Variants in YWHAB observed in about 807,000 individuals in gnomAD.
YWHAB encodes 14-3-3 protein beta/alpha.
A neutral mutation model predicts 28.5 loss-of-function variants in YWHAB; 2 were observed. That is an observed-to-expected ratio of 0.07 (90% CI 0.03 to 0.22). The LOEUF is 0.22. YWHAB is among the 10% of genes least tolerant of loss of function. YWHAB has a pLI of 1.00. For synonymous variants in YWHAB, 103 were observed against 104.7 expected (o/e 0.98, Z 0.10); for missense variants, 148 against 297.1 (o/e 0.50, Z 3.69).
rs948050073 is a variant in YWHAB at position 44,907,529 on chromosome 20, A to G, written c.*1091A>G. On this transcript the variant is annotated 3_prime_UTR_variant, in exon 6 of 6. Coordinates refer to ENST00000353703, the MANE Select transcript of YWHAB (RefSeq NM_139323.4). ...TTCACTTGAGGAGTACTCAGTTTTC[A>G]GGTTCTTCCTAGCTCGGGGCTTTTA... is the stretch of plus-strand genomic sequence containing the variant. The G allele has an allele frequency of 1.3e-5, 2 of 152,236 alleles. No homozygotes were observed. The highest frequency in any genetic ancestry group is 4.8e-5 in the African/African-American group (2 of 41,464). 9.4% of individuals were successfully genotyped at this position (152,236 alleles called of 1,614,324 possible).
intron 1 of YWHAB, chr20:44,887,481 G>T (rs1292819016): frequency 6.6e-6 from 1 of 152,148 alleles, no homozygotes; most frequent in Non-Finnish European, 1.5e-5. Context: ...AAATATTTAT[G>T]GATTGCCAGC....
chr20:44,897,544 T>A (rs1424360759), intron 1 of YWHAB, among the ~76,000 whole-genome samples: 2 of 152,228 alleles, frequency 1.3e-5, no homozygotes, highest in Non-Finnish European at 2.9e-5. Flanking sequence ...ATTGTCCTGA[T>A]CTCAAAGACC....
At chr20:44,902,082 T>C in intron 2 of YWHAB, 1 of 378,830 alleles carries the variant, frequency 2.6e-6, no homozygotes, top group South Asian at 7.1e-5. Flanking sequence ...ACAGTGACAT[T>C]TTTTCAGCCT....
intron 1 of YWHAB, among the ~76,000 whole-genome samples, chr20:44,890,528 T>G: frequency 7.5e-6 from 1 of 133,626 alleles, no homozygotes; most frequent in East Asian, 2.2e-4. Context: ...TTTTTTTTTG[T>G]GAGATGGAGT....
In YWHAB at chr20:44,906,051, T is replaced by C. The variant is rs755545276; in HGVS notation, c.639T>C (p.Tyr213=). ...AELDTLNEES[Y]KDSTLIMQLL... ...TGGATACGCTGAATGAAGAGTCTTA[T>C]AAAGACAGCACTCTGATCATGCAGT... is the stretch of plus-strand genomic sequence containing the variant. Residue 213 remains tyrosine (Y), a synonymous_variant, in exon 5 of 6, where the codon TAT becomes TAC. Transcript: ENST00000353703. 3.8e-5 allele frequency: 62 copies of C among 1,614,000 alleles called. No homozygotes were observed. The highest frequency in any genetic ancestry group is 4.8e-5 in the Non-Finnish European group (57 of 1,179,926).
intron 1 of YWHAB, among the ~76,000 whole-genome samples, chr20:44,891,816 A>G (rs755814902): frequency 1.1e-4 from 16 of 152,212 alleles, no homozygotes; most frequent in Non-Finnish European, 2.2e-4. Flanking sequence ...ACTTAGTGCT[A>G]ATGACTTTGT....
rs1393234703 is a variant in YWHAB at position 44,905,987 on chromosome 20, G to C, written c.589-14G>C. 1 of 1,607,508 alleles carries C rather than the reference G, an allele frequency of 6.2e-7. No homozygotes were observed. The highest frequency in any genetic ancestry group is 1.1e-5 in the South Asian group (1 of 90,720). ...AGAACTTGTGAATTCTTTGCTAAAGGCTCTTTGTTTTAGGCATTTGATGAA... is the reference window on the plus strand; with the variant it reads ...AGAACTTGTGAATTCTTTGCTAAAGCCTCTTTGTTTTAGGCATTTGATGAA... On this transcript the variant is annotated splice_polypyrimidine_tract_variant and intron_variant, in intron 4 of 5. Transcript: ENST00000353703.
intron 1 of YWHAB, among the ~76,000 whole-genome samples, chr20:44,897,408 CTT>C (rs2066602098): frequency 6.6e-6 from 1 of 152,154 alleles, no homozygotes; most frequent in African/African-American, 2.4e-5. Flanking sequence ...TGACTTCTAA[CTT>C]TGAGTTAGTC....
Position 44,906,550 on chromosome 20 carries a change from A to AT in YWHAB, c.*117dup. The AT allele has an allele frequency of 1.0e-6, 1 of 966,542 alleles. No homozygotes were observed. Among genetic ancestry groups the AT allele is most frequent in the Non-Finnish European group, 1.5e-6 (1 of 682,448 alleles). 59.9% of individuals were successfully genotyped at this position (966,542 alleles called of 1,614,324 possible). On this transcript the variant is annotated 3_prime_UTR_variant, in exon 6 of 6. Transcript: ENST00000353703. ...AAAGAGAATCGTACGTCGACTTTCG[A>AT]TTTTTCACAGCCTCAGCCTAGGAAA...
At chr20:44,903,337 A>G (rs2066638211) in intron 2 of YWHAB, 1 of 154,770 alleles carries the variant, frequency 6.5e-6, no homozygotes, top group Non-Finnish European at 1.4e-5. Flanking sequence ...AGAGTCATAC[A>G]GATAATAAGT....
intron 2 of YWHAB, chr20:44,902,861 G>A (rs2066635531): frequency 6.1e-6 from 1 of 164,874 alleles, no homozygotes; most frequent in South Asian, 2.0e-4. Flanking sequence ...TGGTAATTTG[G>A]GGGTTTGTTA....
intron 4 of YWHAB, chr20:44,905,722 C>T (rs376848259): frequency 1.8e-5 from 5 of 284,620 alleles, no homozygotes; most frequent in South Asian, 1.6e-4. Flanking sequence ...AAATCACACG[C>T]GTTTGCCCAG....
Position 44,896,462 on chromosome 20 carries a change from G to C in YWHAB, c.-3-5069G>C, listed in dbSNP as rs2066596541. 4.6e-5 allele frequency among the ~76,000 whole-genome samples: 7 copies of C among 152,326 alleles called. No homozygotes were observed. In the South Asian group the frequency reaches 1.4e-3, roughly 32 times the overall value. Reference sequence around the variant, plus strand: ...AAAGATAGAAAAGCATACTTTGTATGTAAGAAAACCATTTTGGCAGAAGCA... The same window carrying C: ...AAAGATAGAAAAGCATACTTTGTATCTAAGAAAACCATTTTGGCAGAAGCA... On this transcript the variant is annotated intron_variant, in intron 1 of 5. Coordinates refer to ENST00000353703, the MANE Select transcript of YWHAB (RefSeq NM_139323.4).
rs2066653646 is a variant in YWHAB at position 44,905,983 on chromosome 20, A to G, written c.589-18A>G. The G allele has an allele frequency of 6.2e-7, 1 of 1,604,644 alleles. No individual in the cohort carries two copies. The highest frequency in any genetic ancestry group is 1.7e-5 in the Admixed American group (1 of 58,834). On this transcript the variant is annotated intron_variant, in intron 4 of 5. Transcript: ENST00000353703. ...CCAGAGAACTTGTGAATTCTTTGCT[A>G]AAGGCTCTTTGTTTTAGGCATTTGA...
At chr20:44,891,744 A>G (rs2066563352) in intron 1 of YWHAB, among the ~76,000 whole-genome samples, 1 of 152,204 alleles carries the variant, frequency 6.6e-6, no homozygotes, top group Admixed American at 6.5e-5. Flanking sequence ...GCTGATGTGA[A>G]AGAGGGAAGG....
At position 44,907,946 on chromosome 20, in the gene YWHAB, T is replaced by A. The variant is rs1186875071; in HGVS notation, c.*1508T>A. 1 of 152,574 alleles carries A rather than the reference T, an allele frequency of 6.6e-6. No homozygotes were observed. The highest frequency in any genetic ancestry group is 1.5e-5 in the Non-Finnish European group (1 of 68,056). The allele number at this position is 152,574 out of a possible 1,614,324, so 9.5% of individuals were successfully genotyped here. ...TCACCAGGTCTCCCAAGTGCACTCA[T>A]CCAGGTCAGTGCTCAGATGTGTTTA... On this transcript the variant is annotated 3_prime_UTR_variant, in exon 6 of 6. Transcript: ENST00000353703.
intron 1 of YWHAB, among the ~76,000 whole-genome samples, chr20:44,890,501 T>C (rs949154767): frequency 1.7e-5 from 1 of 57,900 alleles, no homozygotes; most frequent in Non-Finnish European, 3.6e-5. Context: ...GGATTCCTAC[T>C]TTTTTTTTTT....
In YWHAB at chr20:44,906,504, TA is replaced by T. The variant is rs775632748; in HGVS notation, c.*89del. ...CCCTCAACATATATCCCTTGTGCGA[TA>T]AAAAAAAAAAAAAAAAAAAAAAGAG... On this transcript the variant is annotated 3_prime_UTR_variant, in exon 6 of 6. Transcript: ENST00000353703. 27,065 of 357,390 alleles carry T rather than the reference TA, an allele frequency of 0.076. 21 individuals carry two copies. Among genetic ancestry groups the T allele is most frequent in the East Asian group, 0.11 (1,350 of 12,676 alleles). 22.1% of individuals were successfully genotyped at this position (357,390 alleles called of 1,614,324 possible).
intron 4 of YWHAB, chr20:44,905,745 A>G (rs2066652195): frequency 2.9e-6 from 1 of 343,474 alleles, no homozygotes. Flanking sequence ...TGACTGTGCT[A>G]GGGTTAGCAG....
Sources: gnomAD v4.1 joint callset for allele counts (sites outside exome capture counted in the v4.1 genomes callset) on GRCh38, gnomAD v4.1.1 for gene constraint, MANE v1.5 for transcripts, NCBI Gene and HGNC (gene_info 2026-07-23, HGNC 2026-07-21) for gene names.